The following ARFGEF3 variants were observed in gnomAD, a reference collection of about 807,000 sequenced individuals.
ARFGEF3 encodes the protein brefeldin A-inhibited guanine nucleotide-exchange protein 3.
A neutral mutation model predicts 221.7 loss-of-function variants in ARFGEF3; 96 were observed. The ratio of observed to expected loss-of-function variants is 0.43; its 90% CI spans 0.37 to 0.51. The LOEUF (loss-of-function observed/expected upper bound fraction) is 0.51. Ranked by LOEUF, ARFGEF3 falls within the 20% of genes least tolerant of loss-of-function variation. The pLI is 0.00. For synonymous variants in ARFGEF3, 1,145 were observed against 1,126.8 expected, an observed-to-expected ratio of 1.02 and a Z score of -0.32; for missense variants, 2,410 against 2,789.9, an observed-to-expected ratio of 0.86 and a Z score of 3.07.
chr6:138,313,704 A>T, intron 25 of ARFGEF3, 91 bp from the exon 26 acceptor site: 1 of 1,005,210 alleles, frequency 9.9e-7, no homozygotes, highest in Non-Finnish European at 1.5e-6. Flanking sequence ...ATCTCCTTTT[A>T]GTACTAGTGT....
At chr6:138,302,938 T>C (rs141454776) in intron 22 of ARFGEF3, among the ~76,000 whole-genome samples, 4 of 152,350 alleles carry the variant, frequency 2.6e-5, no homozygotes, top group African/African-American at 7.2e-5. Context: ...ATCTATTGCA[T>C]AAGAAGAAAT....
At chr6:138,331,574 C>T (rs1780227986) in intron 32 of ARFGEF3, among the ~76,000 whole-genome samples, 1 of 152,238 alleles carries the variant, frequency 6.6e-6, no homozygotes, top group Admixed American at 6.5e-5. Context: ...AAGCTTTACT[C>T]AATCCACATA....
At chr6:138,240,232 T>A (rs9376337) in intron 6 of ARFGEF3, among the ~76,000 whole-genome samples, 1 of 152,024 alleles carries the variant, frequency 6.6e-6, no homozygotes, top group African/African-American at 2.4e-5. Context: ...GAGAAAAAAA[T>A]TTTAATTGAG....
Position 138,294,031 on chromosome 6 carries a change from C to G in ARFGEF3, c.3407C>G (p.Ala1136Gly). ...EDATDKLNLMALGGFLYQLKK... is the reference protein window; with the variant it reads ...EDATDKLNLMGLGGFLYQLKK... ...GCTACGGATAAGTTGAACCTCATGG[C>G]CTTGGGAGGTTTTCTTTACCAGCTG... Residue 1136 changes from alanine (A) to glycine (G), a missense_variant, in exon 20 of 34, where the codon GCC (alanine) becomes GGC (glycine). Physicochemically the swap from Ala to Gly is moderately conservative, Grantham distance 60 (BLOSUM62 0). This residue lies in a region of ARFGEF3 where 723 missense variants were observed against 991.9 expected (regional missense o/e 0.73). Coordinates refer to ENST00000251691, the MANE Select transcript of ARFGEF3 (RefSeq NM_020340.5). The G allele has an allele frequency of 6.2e-7, 1 of 1,613,762 alleles. No individual in the cohort carries two copies. Among genetic ancestry groups the G allele is most frequent in the African/African-American group, 1.3e-5 (1 of 75,042 alleles).
intron 2 of ARFGEF3, among the ~76,000 whole-genome samples, chr6:138,200,096 A>G (rs1777505537): frequency 6.6e-6 from 1 of 152,158 alleles, no homozygotes; most frequent in Non-Finnish European, 1.5e-5. Flanking sequence ...GGGATGCTGG[A>G]TTTTGTCAAA....
intron 31 of ARFGEF3, among the ~76,000 whole-genome samples, chr6:138,326,013 C>T (rs1439707121): frequency 6.6e-6 from 1 of 152,038 alleles, no homozygotes; most frequent in East Asian, 1.9e-4. Context: ...TGCACCACCA[C>T]ACCCAGCTAA....
chr6:138,315,558 C>G (rs1400531613), intron 26 of ARFGEF3, among the ~76,000 whole-genome samples: 2 of 152,126 alleles, frequency 1.3e-5, no homozygotes, highest in African/African-American at 4.8e-5. Context: ...ACAACAAAGT[C>G]TCACAAGTTC....
chr6:138,216,877 G>T (rs1777874318), intron 4 of ARFGEF3: 1 of 152,230 alleles, frequency 6.6e-6, no homozygotes, highest in African/African-American at 2.4e-5. Context: ...TCTAAAATAT[G>T]TGGTTCTGCT....
intron 21 of ARFGEF3, among the ~76,000 whole-genome samples, chr6:138,298,297 G>T (rs1021767356): frequency 6.6e-6 from 1 of 152,170 alleles, no homozygotes; most frequent in East Asian, 1.9e-4. Context: ...CTGGGTTCTG[G>T]TGTCTTTACA....
At chr6:138,266,339 G>A (rs367792845) in intron 12 of ARFGEF3, among the ~76,000 whole-genome samples, 1 of 151,810 alleles carries the variant, frequency 6.6e-6, no homozygotes, top group African/African-American at 2.4e-5. Context: ...AAGAAGGGAA[G>A]GCAGAAGGGA....
chr6:138,162,078 A>G lies in ARFGEF3; in HGVS notation c.-9A>G, dbSNP rs552313564. 9 of 1,574,984 alleles carry G rather than the reference A, an allele frequency of 5.7e-6. No homozygotes were observed. The highest frequency in any genetic ancestry group is 2.3e-5 in the South Asian group (2 of 88,190). On this transcript the variant is annotated 5_prime_UTR_variant, in exon 1 of 34. Coordinates refer to ENST00000251691, the MANE Select transcript of ARFGEF3 (RefSeq NM_020340.5). This position sits in a 1 kb window ranked among gnomAD's most constrained non-coding sequence, Gnocchi z 4.7. ...CTGTGGGCGGCGGCCCGGCGCCTGG[A>G]AGGTCAAGATGGAAGAAATCCTGAG...
intron 25 of ARFGEF3, among the ~76,000 whole-genome samples, chr6:138,311,801 G>A (rs1056798404): frequency 4.6e-5 from 7 of 152,174 alleles, no homozygotes; most frequent in African/African-American, 1.7e-4. Flanking sequence ...GGTTTTAGGG[G>A]AAGGGGTCAC....
chr6:138,219,365 C>T (rs987522750), intron 4 of ARFGEF3, among the ~76,000 whole-genome samples: 1 of 152,128 alleles, frequency 6.6e-6, no homozygotes, highest in Non-Finnish European at 1.5e-5. Flanking sequence ...TCTCTGTAAG[C>T]AGGCAAGTGA....
chr6:138,182,048 T>C (rs1777088290), intron 2 of ARFGEF3, among the ~76,000 whole-genome samples: 1 of 152,090 alleles, frequency 6.6e-6, no homozygotes, highest in Admixed American at 6.5e-5. Flanking sequence ...TAGAATCATG[T>C]GTTGTTTTCT....
chr6:138,245,518 A>G lies in ARFGEF3; in HGVS notation c.592A>G (p.Thr198Ala). 1 of 1,610,288 alleles carries G rather than the reference A, an allele frequency of 6.2e-7. No individual in the cohort carries two copies. The highest frequency in any genetic ancestry group is 8.5e-7 in the Non-Finnish European group (1 of 1,178,254). The stretch of plus-strand genomic sequence containing the variant: ...TAACCTCCTCTGTTTTGAAGGGTCA[A>G]CAGTAGAGTCCCTCTGTGATGATGT... ...VPQDFGNQGS[T>A]VESLCDDVVS... The change falls in exon 8 of 34, where the codon ACA becomes GCA. Residue 198 changes from threonine (T) to alanine (A), a missense_variant. Transcript: ENST00000251691.
At chr6:138,319,213 G>A (rs934035697) in intron 27 of ARFGEF3, among the ~76,000 whole-genome samples, 7 of 148,666 alleles carry the variant, frequency 4.7e-5, no homozygotes, top group East Asian at 3.9e-4. Flanking sequence ...GCCTCAGCCT[G>A]CAGAGTAGGT....
At chr6:138,211,363 CA>C (rs1485065822) in intron 4 of ARFGEF3, among the ~76,000 whole-genome samples, 1 of 152,206 alleles carries the variant, frequency 6.6e-6, no homozygotes, top group Non-Finnish European at 1.5e-5. Flanking sequence ...TTTAGGATCT[CA>C]TTCATCTTTA....
intron 31 of ARFGEF3, among the ~76,000 whole-genome samples, chr6:138,326,571 T>C (rs1385444743): frequency 6.6e-6 from 1 of 152,134 alleles, no homozygotes; most frequent in Non-Finnish European, 1.5e-5. Flanking sequence ...TGAGATACCA[T>C]CTCACTCAGA....
chr6:138,242,988 A>T lies in ARFGEF3; in HGVS notation c.580A>T (p.Asn194Tyr), dbSNP rs1778421789. 1 of 1,611,972 alleles carries T rather than the reference A, an allele frequency of 6.2e-7. No homozygotes were observed. The highest frequency in any genetic ancestry group is 8.5e-7 in the Non-Finnish European group (1 of 1,178,618). The change falls in exon 7 of 34, where the codon AAT becomes TAT. Residue 194 changes from asparagine to tyrosine, a missense_variant. Coordinates refer to ENST00000251691, the MANE Select transcript of ARFGEF3 (RefSeq NM_020340.5). The part of the protein sequence containing the change: ...ENPDVPQDFG[N>Y]QGSTVESLCD... ...CCCAGATGTCCCACAGGATTTCGGG[A>T]ATCAAGGTATGGCATTTGATTTGTA...
Sources: allele counts gnomAD v4.1 joint callset (sites outside exome capture counted in the v4.1 genomes callset), GRCh38; gene constraint gnomAD v4.1.1; regional missense constraint gnomAD v4.1.1; non-coding constraint Gnocchi (gnomAD v3.1); transcripts MANE v1.5; gene names NCBI Gene and HGNC (gene_info 2026-07-23, HGNC 2026-07-21).